LONRF2: variants seen among roughly 807,000 people sequenced by gnomAD.
LONRF2 encodes LON peptidase N-terminal domain and ring finger 2, also known as LON peptidase N-terminal domain and RING finger protein 2.
A neutral mutation model predicts 66.6 loss-of-function variants in LONRF2; 35 were observed. The observed-to-expected ratio is 0.53, with a 90% CI of 0.40 to 0.70. LONRF2 has a LOEUF of 0.70. Among genes scored for constraint, LONRF2 ranks in the 30% least tolerant of loss-of-function variants. The pLI, the probability that LONRF2 is intolerant of heterozygous loss-of-function variation, is 0.00. For synonymous variants in LONRF2, 417 were observed against 418.1 expected, an observed-to-expected ratio of 1.00 and a Z score of 0.03; for missense variants, 902 against 1,002.1, an observed-to-expected ratio of 0.90 and a Z score of 1.35.
intron 10 of LONRF2, 118 bp downstream of exon 10, chr2:100,290,140 G>C (rs1674928763): frequency 1.1e-6 from 1 of 944,084 alleles, no homozygotes; most frequent in East Asian, 2.7e-5. Flanking sequence ...AATAACTTAA[G>C]TGATGAATTA....
chr2:100,309,398 ATTTAGAG>A (rs1675365681), intron 1 of LONRF2, 173 bp from the exon 2 acceptor site: 1 of 354,174 alleles, frequency 2.8e-6, no homozygotes. Context: ...CTCCAATCAT[ATTTAGAG>A]TTTAGTTATT....
chr2:100,311,993 A>AT (rs957579474), intron 1 of LONRF2, among the ~76,000 whole-genome samples: 9 of 151,412 alleles, frequency 5.9e-5, no homozygotes, highest in Admixed American at 2.0e-4. Flanking sequence ...TAGCCTACAC[A>AT]TTTTTTTTTC....
At chr2:100,289,602 AT>A (rs11424569) in intron 10 of LONRF2, among the ~76,000 whole-genome samples, 63 of 151,120 alleles carry the variant, frequency 4.2e-4, no homozygotes, top group Admixed American at 1.3e-3. Context: ...CACATGGTTA[AT>A]TTTTTTATAT....
intron 9 of LONRF2, among the ~76,000 whole-genome samples, chr2:100,293,316 T>G (rs1392884536): frequency 1.3e-5 from 2 of 152,196 alleles, no homozygotes; most frequent in Non-Finnish European, 2.9e-5. Context: ...ACACATATTT[T>G]AAAAAGATCT....
chr2:100,289,249 G>T (rs1674908041), intron 10 of LONRF2, among the ~76,000 whole-genome samples: 1 of 152,098 alleles, frequency 6.6e-6, no homozygotes, highest in Admixed American at 6.5e-5. Flanking sequence ...GGCTGCTTTT[G>T]CACTACAAGG....
chr2:100,284,538 A>G (rs527770258), intron 11 of LONRF2, 46 bp from the exon 12 acceptor site: 1 of 1,442,680 alleles, frequency 6.9e-7, no homozygotes, highest in African/African-American at 1.4e-5. Context: ...TGGAAATGCA[A>G]GCCTGTTCCC....
rs935374012 is a variant in LONRF2 at position 100,294,501 on chromosome 2, A to C, written c.1599-114T>G. On this transcript the variant is annotated intron_variant, in intron 8 of 11. Transcript: ENST00000393437. ...ACCTCAGTTCTCCCCTCTACAAAAC[A>C]AAACCCTCAGGCTAAGAGGGACAAG... is the stretch of plus-strand genomic sequence containing the variant. 6 of 945,036 alleles carry C rather than the reference A, an allele frequency of 6.3e-6. No homozygotes were observed. In the African/African-American group the frequency reaches 1.0e-4, roughly 16 times the overall value. 58.5% of individuals were successfully genotyped at this position (945,036 alleles called of 1,614,324 possible).
rs954059112 is a variant in LONRF2 at position 100,293,091 on chromosome 2, T to G, written c.1757+1138A>C. 1.1e-3 allele frequency among the ~76,000 whole-genome samples: 174 copies of G among 152,322 alleles called. 1 individual carries two copies. The highest frequency in any genetic ancestry group is 4.1e-3 in the African/African-American group (170 of 41,570). On this transcript the variant is annotated intron_variant, in intron 9 of 11. Transcript: ENST00000393437. ...TCAGCCAGATCTGGGCTTAGTCTTT[T>G]GCTTTTCTACACGGATTCTAAAATC...
At chr2:100,297,817 C>T (rs1675103238) in intron 7 of LONRF2, among the ~76,000 whole-genome samples, 1 of 152,146 alleles carries the variant, frequency 6.6e-6, no homozygotes, top group Non-Finnish European at 1.5e-5. Flanking sequence ...TTTAATAAAG[C>T]AAGTATGTGC....
chr2:100,305,180 G>A, intron 2 of LONRF2, among the ~76,000 whole-genome samples: 1 of 152,058 alleles, frequency 6.6e-6, no homozygotes, highest in East Asian at 1.9e-4. Context: ...AGAACTCAGG[G>A]ACCAAAAAGA....
At chr2:100,289,072 G>A (rs1429498916) in intron 10 of LONRF2, among the ~76,000 whole-genome samples, 1 of 152,208 alleles carries the variant, frequency 6.6e-6, no homozygotes, top group Non-Finnish European at 1.5e-5. Flanking sequence ...TTAGCTTTGG[G>A]AGGTATTTTT....
intron 1 of LONRF2, among the ~76,000 whole-genome samples, chr2:100,317,208 C>T (rs1675525134): frequency 1.3e-5 from 2 of 151,332 alleles, no homozygotes; most frequent in South Asian, 4.2e-4. Flanking sequence ...TCTAGTTGTC[C>T]CACTTATTCT....
chr2:100,282,422 A>C lies in LONRF2; in HGVS notation c.*1876T>G, dbSNP rs140538043. 6.6e-6 allele frequency: 1 copy of C among 152,346 alleles called. No individual in the cohort carries two copies. The highest frequency in any genetic ancestry group is 1.5e-5 in the Non-Finnish European group (1 of 68,032). The allele number at this position is 152,346 out of a possible 1,614,324, so 9.4% of individuals were successfully genotyped here. A position where few individuals can be genotyped will look rare whatever the true frequency, so the allele number is the denominator to read the frequency against. On this transcript the variant is annotated 3_prime_UTR_variant, in exon 12 of 12. Coordinates refer to ENST00000393437, the MANE Select transcript of LONRF2 (RefSeq NM_198461.4). Reference sequence around the variant, plus strand: ...TCAGCTGTGATATGAAGGTACAAAAAAATTTTCCAAAAGGGAAAGGCAGAG... The same window carrying C: ...TCAGCTGTGATATGAAGGTACAAAACAATTTTCCAAAAGGGAAAGGCAGAG...
chr2:100,304,625 G>T lies in LONRF2; in HGVS notation c.799-1582C>A, dbSNP rs887039678. Among the ~76,000 whole-genome samples the T allele has an allele frequency of 3.7e-3, 446 of 121,980 alleles. 5 individuals carry two copies. Among genetic ancestry groups the T allele is most frequent in the African/African-American group, 0.011 (351 of 31,306 alleles). 80.0% of individuals were successfully genotyped at this position (121,980 alleles called of 152,430 possible). A position where few individuals can be genotyped will look rare whatever the true frequency, so the allele number is the denominator to read the frequency against. ...CACTCAGAGACAATTTTAGTTGACTGTTTTTTTTTTTTTTTTGAGACAGAG... is the reference window on the plus strand; with the variant it reads ...CACTCAGAGACAATTTTAGTTGACTTTTTTTTTTTTTTTTTTGAGACAGAG... On this transcript the variant is annotated intron_variant, in intron 2 of 11. Coordinates refer to ENST00000393437, the MANE Select transcript of LONRF2 (RefSeq NM_198461.4).
chr2:100,300,000 G>T, intron 4 of LONRF2, 82 bp from the exon 5 acceptor site: 4 of 426,292 alleles, frequency 9.4e-6, no homozygotes, highest in Non-Finnish European at 1.5e-5. Context: ...GCCTGTACTA[G>T]AAATCTTTGG....
In LONRF2 at chr2:100,284,304, A is replaced by G. The variant is rs753274873; in HGVS notation, c.2259T>C (p.Asn753=). The part of the protein sequence containing the change: ...RQELANARER[N]N ...ACCTTGACAGAGAGAAAAATCAATTATTTCTCTCCCTGGCATTAGCCAGCT... is the reference window on the plus strand; with the variant it reads ...ACCTTGACAGAGAGAAAAATCAATTGTTTCTCTCCCTGGCATTAGCCAGCT... The change falls in exon 12 of 12, where the codon AAT becomes AAC. Residue 753 remains asparagine (N), a synonymous_variant. Transcript: ENST00000393437. 6.6e-7 allele frequency: 1 copy of G among 1,525,926 alleles called. No homozygotes were observed. Among genetic ancestry groups the G allele is most frequent in the Non-Finnish European group, 8.8e-7 (1 of 1,130,552 alleles). The allele number at this position is 1,525,926 out of a possible 1,614,324, so 94.5% of individuals were successfully genotyped here. A position where few individuals can be genotyped will look rare whatever the true frequency, so the allele number is the denominator to read the frequency against.
In LONRF2 at chr2:100,274,004, A is replaced by G. The variant is rs1674547228; in HGVS notation, c.*10294T>C. On this transcript the variant is annotated 3_prime_UTR_variant, in exon 12 of 12. Transcript: ENST00000393437. Reference sequence around the variant, plus strand: ...CTGTTCACAGTACAAAAAGGTGACAAAACTATGAAAGTGAAAATACTATGG... The same window carrying G: ...CTGTTCACAGTACAAAAAGGTGACAGAACTATGAAAGTGAAAATACTATGG... 6.6e-6 allele frequency: 1 copy of G among 152,226 alleles called. No homozygotes were observed. The highest frequency in any genetic ancestry group is 1.5e-5 in the Non-Finnish European group (1 of 68,042). 9.4% of individuals were successfully genotyped at this position (152,226 alleles called of 1,614,324 possible).
intron 11 of LONRF2, among the ~76,000 whole-genome samples, chr2:100,285,709 C>G (rs1261885885): frequency 6.6e-6 from 1 of 152,054 alleles, no homozygotes; most frequent in Non-Finnish European, 1.5e-5. Context: ...GGAAGGAAGC[C>G]GAGGAATGCC....
At chr2:100,316,574 G>A (rs867312216) in intron 1 of LONRF2, among the ~76,000 whole-genome samples, 1 of 151,876 alleles carries the variant, frequency 6.6e-6, no homozygotes, top group African/African-American at 2.4e-5. Flanking sequence ...TATTTATTAC[G>A]ACTTCTTTCA....
Sources: allele counts gnomAD v4.1 joint callset (sites outside exome capture counted in the v4.1 genomes callset), GRCh38; gene constraint gnomAD v4.1.1; transcripts MANE v1.5; gene names NCBI Gene and HGNC (gene_info 2026-07-23, HGNC 2026-07-21).